Variants in ZFC3H1 observed in about 807,000 individuals in gnomAD.
ZFC3H1 encodes the protein zinc finger C3H1-type containing.
ZFC3H1 carries 71 observed loss-of-function variants against 243.7 expected under a neutral mutation model. The ratio of observed to expected loss-of-function variants is 0.29; its 90% CI spans 0.24 to 0.36. The LOEUF is 0.36. ZFC3H1 is among the 10% of genes least tolerant of loss of function. The pLI is 1.00. For synonymous variants in ZFC3H1, 838 were observed against 813.0 expected (o/e 1.03, Z -0.52); for missense variants, 1,966 against 2,317.1 (o/e 0.85, Z 3.11).
chr12:71,647,536 A>T (rs1283697472), intron 3 of ZFC3H1, among the ~76,000 whole-genome samples: 1 of 152,178 alleles, frequency 6.6e-6, no homozygotes, highest in Non-Finnish European at 1.5e-5. Context: ...AATATATATA[A>T]CACTTTAATT....
At chr12:71,631,037 A>C in intron 16 of ZFC3H1, 83 bp from the exon 17 acceptor site, 1 of 1,379,378 alleles carries the variant, frequency 7.2e-7, no homozygotes. Context: ...TTTCTTTCTC[A>C]AGTTAAAATT....
intron 27 of ZFC3H1, among the ~76,000 whole-genome samples, chr12:71,617,109 T>TA (rs1216671950): frequency 1.3e-5 from 2 of 152,236 alleles, no homozygotes; most frequent in Non-Finnish European, 2.9e-5. Flanking sequence ...ATTATAGTGC[T>TA]AAGCATTTTG....
intron 27 of ZFC3H1, 45 bp from the exon 28 acceptor site, chr12:71,615,361 C>T (rs1450320418): frequency 8.2e-7 from 1 of 1,225,250 alleles, no homozygotes. Flanking sequence ...CACCTACCCA[C>T]ACAGGAATTA....
rs1369587331 is a variant in ZFC3H1 at position 71,620,263 on chromosome 12, C to T, written c.4797G>A (p.Glu1599=). The change falls in exon 25 of 35, where the codon GAG becomes GAA. Residue 1599 remains glutamate (E), a synonymous_variant. Transcript: ENST00000378743. ...DESLAVEERI[E]ACLPLYTNMI... is the part of the protein sequence containing the mutation. ...TGTTTGTGTAAAGTGGAAGGCAGGC[C>T]TCTATTCTTTCCTCAACAGCAAGGC... is the stretch of plus-strand genomic sequence containing the variant. The T allele has an allele frequency of 3.1e-6, 5 of 1,614,054 alleles. No homozygotes were observed. The highest frequency in any genetic ancestry group is 4.2e-6 in the Non-Finnish European group (5 of 1,180,042).
Position 71,636,632 on chromosome 12 carries a change from G to C in ZFC3H1, c.1958C>G (p.Pro653Arg). 1.2e-6 allele frequency: 2 copies of C among 1,611,926 alleles called. No homozygotes were observed. The highest frequency in any genetic ancestry group is 1.7e-6 in the Non-Finnish European group (2 of 1,179,392). ...KPEETSSNSD[P>R]PSPPVLNNSH... ...ATTGTTCAGAACTGGAGGTGAAGGT[G>C]GGTCACTATTACTGGATGTTTCCTA... Residue 653 changes from proline (P) to arginine (R), a missense_variant, in exon 9 of 35, where the codon CCA becomes CGA. Around this residue, in one of 4 missense-constraint regions of ZFC3H1, gnomAD observed 1,383 missense variants for 1,723.7 expected, o/e 0.80. Coordinates refer to ENST00000378743, the MANE Select transcript of ZFC3H1 (RefSeq NM_144982.5).
At position 71,609,622 on chromosome 12, in the gene ZFC3H1, A is replaced by T. The variant is rs1458106792; in HGVS notation, c.*806T>A. The T allele has an allele frequency of 6.6e-6, 1 of 152,236 alleles. No homozygotes were observed. Among genetic ancestry groups the T allele is most frequent in the Non-Finnish European group, 1.5e-5 (1 of 68,006 alleles). The allele number at this position is 152,236 out of a possible 1,614,324, so 9.4% of individuals were successfully genotyped here. A position where few individuals can be genotyped will look rare whatever the true frequency, so the allele number is the denominator to read the frequency against. ...AGTTTTTAGAAAGTTAACTTATATTAAAAAAGTATATAAACAATTTCAATA... is the reference window on the plus strand; with the variant it reads ...AGTTTTTAGAAAGTTAACTTATATTTAAAAAGTATATAAACAATTTCAATA... On this transcript the variant is annotated 3_prime_UTR_variant, in exon 35 of 35. Transcript: ENST00000378743.
chr12:71,623,152 C>T (rs1880075441), intron 24 of ZFC3H1, among the ~76,000 whole-genome samples: 1 of 152,082 alleles, frequency 6.6e-6, no homozygotes, highest in Non-Finnish European at 1.5e-5. Flanking sequence ...AATGTAATAT[C>T]GTGCAGTTAT....
chr12:71,631,304 G>A (rs868839592), intron 16 of ZFC3H1, among the ~76,000 whole-genome samples: 11 of 151,812 alleles, frequency 7.2e-5, no homozygotes, highest in Non-Finnish European at 1.2e-4. Context: ...TTACCTGGAA[G>A]GTGCTTTACA....
chr12:71,657,850 G>A (rs532936786), intron 1 of ZFC3H1, among the ~76,000 whole-genome samples: 45 of 152,096 alleles, frequency 3.0e-4, no homozygotes, highest in African/African-American at 1.0e-3. Flanking sequence ...TTAGCCAGGC[G>A]TGGTGGTGCA....
At chr12:71,654,352 G>T (rs909715577) in intron 2 of ZFC3H1, among the ~76,000 whole-genome samples, 95 of 152,030 alleles carry the variant, frequency 6.2e-4, no homozygotes, top group African/African-American at 2.1e-3. Context: ...GAGGTGGGAG[G>T]ATCACCTGAG....
chr12:71,655,762 A>C (rs1395617104), intron 2 of ZFC3H1, among the ~76,000 whole-genome samples: 1 of 152,198 alleles, frequency 6.6e-6, no homozygotes, highest in Admixed American at 6.5e-5. Context: ...TAAAGATGAA[A>C]ACAGCCCCAA....
chr12:71,657,299 T>C lies in ZFC3H1; in HGVS notation c.601A>G (p.Lys201Glu). Reference sequence around the variant, plus strand: ...CTTGATGGAGACCTTCCAAAACTTTTGGCTGAACAGCATATTAAGGAAACC... The same window carrying C: ...CTTGATGGAGACCTTCCAAAACTTTCGGCTGAACAGCATATTAAGGAAACC... Reference protein sequence around the residue: ...REPSPPRKSSKSFGRSPSRKQ... With the variant: ...REPSPPRKSSESFGRSPSRKQ... Residue 201 changes from lysine to glutamate, a missense_variant and splice_region_variant, in exon 2 of 35, where the codon AAA (lysine) becomes GAA (glutamate). Physicochemically the swap from Lys to Glu is moderately conservative, Grantham distance 56 (BLOSUM62 1). Transcript: ENST00000378743. The C allele has an allele frequency of 6.5e-7, 1 of 1,528,778 alleles. No homozygotes were observed. 94.7% of individuals were successfully genotyped at this position (1,528,778 alleles called of 1,614,324 possible).
intron 31 of ZFC3H1, among the ~76,000 whole-genome samples, chr12:71,612,226 A>C (rs1879791597): frequency 6.6e-6 from 1 of 150,684 alleles, no homozygotes; most frequent in East Asian, 1.9e-4. Context: ...ATTTCCTGGT[A>C]TTTTTCTTTC....
rs776560128 is a variant in ZFC3H1 at position 71,627,851 on chromosome 12, T to C, written c.4030A>G (p.Thr1344Ala). 1.2e-6 allele frequency: 2 copies of C among 1,613,884 alleles called. No homozygotes were observed. The highest frequency in any genetic ancestry group is 1.7e-6 in the Non-Finnish European group (2 of 1,179,900). Reference sequence around the variant, plus strand: ...GCTTCTAAATTAGCGATGTCATCAGTCTCATTTGTAAAGTATCTGACATCA... The same window carrying C: ...GCTTCTAAATTAGCGATGTCATCAGCCTCATTTGTAAAGTATCTGACATCA... ...PDDVRYFTNE[T>A]DDIANLEASV... Residue 1344 changes from threonine (T) to alanine (A), a missense_variant, in exon 21 of 35, where the codon ACT becomes GCT. Physicochemically the swap from Thr to Ala is moderately conservative, Grantham distance 58 (BLOSUM62 0). Transcript: ENST00000378743.
At chr12:71,611,209 G>T in intron 32 of ZFC3H1, 112 bp from the exon 33 acceptor site, 1 of 1,108,760 alleles carries the variant, frequency 9.0e-7, no homozygotes. Flanking sequence ...GGGAATCTGA[G>T]TACAAAACTT....
chr12:71,657,620 T>A (rs1881054183), intron 1 of ZFC3H1, among the ~76,000 whole-genome samples: 1 of 152,154 alleles, frequency 6.6e-6, no homozygotes. Context: ...AAGTCCATAA[T>A]TAGCTGTATG....
chr12:71,643,989 C>T, intron 5 of ZFC3H1, 106 bp downstream of exon 5: 1 of 1,024,618 alleles, frequency 9.8e-7, no homozygotes, highest in Non-Finnish European at 1.4e-6. Flanking sequence ...TCCTTTTTTC[C>T]AAGAGTTATT....
intron 7 of ZFC3H1, among the ~76,000 whole-genome samples, chr12:71,637,850 A>G (rs1880502942): frequency 2.0e-5 from 3 of 152,164 alleles, no homozygotes; most frequent in African/African-American, 7.2e-5. Flanking sequence ...TCTAAAAATA[A>G]TGTCAAAACT....
chr12:71,635,836 C>A lies in ZFC3H1; in HGVS notation c.2101-256G>T, dbSNP rs1026135516. Among the ~76,000 whole-genome samples the A allele has an allele frequency of 2.0e-4, 30 of 152,118 alleles. No individual in the cohort carries two copies. The East Asian group carries it at 4.6e-3, about 23-fold the overall frequency. ...TTCACTAACTTTCTATTATAAAGAA[C>A]CACAATGCAATTTAAATTAACTCTT... is the stretch of plus-strand genomic sequence containing the variant. On this transcript the variant is annotated intron_variant, in intron 9 of 34. Coordinates refer to ENST00000378743, the MANE Select transcript of ZFC3H1 (RefSeq NM_144982.5).
Sources: gnomAD v4.1 joint callset for allele counts (sites outside exome capture counted in the v4.1 genomes callset) on GRCh38, gnomAD v4.1.1 for gene constraint, gnomAD v4.1.1 regional missense constraint, MANE v1.5 for transcripts, NCBI Gene and HGNC (gene_info 2026-07-23, HGNC 2026-07-21) for gene names.